FAM135A: variants seen among roughly 807,000 people sequenced by gnomAD.
FAM135A encodes the protein protein FAM135A.
FAM135A carries 79 observed loss-of-function variants against 146.8 expected under a neutral mutation model. That is an observed-to-expected ratio of 0.54 (90% CI 0.45 to 0.65). The LOEUF is 0.65. Ranked by LOEUF, FAM135A falls within the 30% of genes least tolerant of loss-of-function variation. FAM135A has a pLI of 0.00. For synonymous variants in FAM135A, 562 were observed against 603.6 expected (o/e 0.93, Z 1.01); for missense variants, 1,623 against 1,758.2 (o/e 0.92, Z 1.38).
chr6:70,435,083 A>G (rs78234303), intron 4 of FAM135A, among the ~76,000 whole-genome samples: 5,191 of 40,810 alleles, frequency 0.13, 118 homozygotes, highest in Non-Finnish European at 0.14. Context: ...GTGTGTGTGT[A>G]TATATATATA....
At chr6:70,421,433 A>G (rs765258123) in intron 2 of FAM135A, among the ~76,000 whole-genome samples, 1 of 152,224 alleles carries the variant, frequency 6.6e-6, no homozygotes, top group Non-Finnish European at 1.5e-5. Flanking sequence ...CTAGAGGACC[A>G]AGAATGTCTT....
At chr6:70,442,595 A>G (rs977953176) in intron 4 of FAM135A, among the ~76,000 whole-genome samples, 1 of 152,026 alleles carries the variant, frequency 6.6e-6, no homozygotes, top group Non-Finnish European at 1.5e-5. Context: ...ATATAGTCAT[A>G]CCCTTCCATC....
intron 4 of FAM135A, among the ~76,000 whole-genome samples, chr6:70,444,296 CA>C (rs1243569225): frequency 4.6e-5 from 7 of 152,192 alleles, no homozygotes; most frequent in African/African-American, 1.7e-4. Flanking sequence ...CCAGCTACTC[CA>C]GGGGCTGAGG....
In FAM135A at chr6:70,525,343, T is replaced by G. The variant is rs1794487672; in HGVS notation, c.2259T>G (p.Ile753Met). 6.2e-7 allele frequency: 1 copy of G among 1,613,180 alleles called. No individual in the cohort carries two copies. The highest frequency in any genetic ancestry group is 1.7e-5 in the Admixed American group (1 of 59,916). ...ATGTTGTAGTAAGTGGAGATACAATTAAGTTACCAGATATTAGTGCCACAT... is the reference window on the plus strand; with the variant it reads ...ATGTTGTAGTAAGTGGAGATACAATGAAGTTACCAGATATTAGTGCCACAT... Reference protein sequence around the residue: ...EYHVVVSGDTIKLPDISATYA... With the variant: ...EYHVVVSGDTMKLPDISATYA... The change falls in exon 15 of 22, where the codon ATT becomes ATG. Residue 753 changes from isoleucine (I) to methionine (M), a missense_variant. This residue lies in a region of FAM135A where 1,061 missense variants were observed against 1,113.8 expected (regional missense o/e 0.95). Transcript: ENST00000418814.
At chr6:70,450,713 G>GTTTTTTTTTTTTTTT (rs1192559967) in intron 4 of FAM135A, among the ~76,000 whole-genome samples, 3 of 29,780 alleles carry the variant, frequency 1.0e-4, no homozygotes, top group Non-Finnish European at 2.0e-4. Flanking sequence ...GACCCTTTTA[G>GTTTTTTTTTTTTTTT]TTGTTTTTTT....
At chr6:70,542,843 C>T (rs928553105) in intron 20 of FAM135A, among the ~76,000 whole-genome samples, 1 of 152,114 alleles carries the variant, frequency 6.6e-6, no homozygotes, top group Non-Finnish European at 1.5e-5. Flanking sequence ...TCAATTACTC[C>T]TTTGAAACAC....
At chr6:70,499,717 A>T (rs1450667236) in intron 11 of FAM135A, among the ~76,000 whole-genome samples, 1 of 152,072 alleles carries the variant, frequency 6.6e-6, no homozygotes, top group Non-Finnish European at 1.5e-5. Flanking sequence ...AAAGGATTTT[A>T]TTTCTCCTTC....
At chr6:70,497,710 A>G (rs1325768005) in intron 11 of FAM135A, among the ~76,000 whole-genome samples, 1 of 152,126 alleles carries the variant, frequency 6.6e-6, no homozygotes, top group Non-Finnish European at 1.5e-5. Context: ...ACATGAAGGG[A>G]TGTTAAATTT....
chr6:70,476,685 C>T (rs1334777766), intron 7 of FAM135A, among the ~76,000 whole-genome samples: 1 of 151,930 alleles, frequency 6.6e-6, no homozygotes, highest in African/African-American at 2.4e-5. Context: ...TAAATATCTA[C>T]AATAAGATAT....
intron 18 of FAM135A, among the ~76,000 whole-genome samples, chr6:70,534,890 A>G (rs1019224605): frequency 6.6e-6 from 1 of 152,170 alleles, no homozygotes; most frequent in Non-Finnish European, 1.5e-5. Context: ...ACCTAAAGTC[A>G]TTTTTTAAAA....
intron 14 of FAM135A, 79 bp downstream of exon 14, chr6:70,524,200 C>A (rs776273017): frequency 4.9e-6 from 7 of 1,421,522 alleles, no homozygotes; most frequent in Non-Finnish European, 5.7e-6. Context: ...TAAAACCATT[C>A]CCTAATGTGG....
intron 11 of FAM135A, 85 bp from the exon 12 acceptor site, chr6:70,502,551 G>T: frequency 7.2e-7 from 1 of 1,393,990 alleles, no homozygotes; most frequent in African/African-American, 1.5e-5. Flanking sequence ...ATTTGCCTTT[G>T]TATTAATATT....
intron 11 of FAM135A, among the ~76,000 whole-genome samples, chr6:70,494,405 G>A (rs1348988270): frequency 6.6e-6 from 1 of 151,972 alleles, no homozygotes; most frequent in African/African-American, 2.4e-5. Flanking sequence ...TGAGGTGGGA[G>A]TACTGCCTGA....
At chr6:70,494,631 T>C (rs1786803019) in intron 11 of FAM135A, among the ~76,000 whole-genome samples, 1 of 152,048 alleles carries the variant, frequency 6.6e-6, no homozygotes, top group East Asian at 1.9e-4. Context: ...TTTATTTTGG[T>C]ATTTATTACA....
At chr6:70,457,993 T>C (rs187671432) in intron 5 of FAM135A, among the ~76,000 whole-genome samples, 2 of 152,166 alleles carry the variant, frequency 1.3e-5, no homozygotes, top group Non-Finnish European at 2.9e-5. Flanking sequence ...AGTTTACTAG[T>C]ATATTTAAAG....
chr6:70,428,847 C>G (rs1770801244), intron 4 of FAM135A, among the ~76,000 whole-genome samples: 1 of 152,160 alleles, frequency 6.6e-6, no homozygotes, highest in Non-Finnish European at 1.5e-5. Context: ...TTAACTATTA[C>G]ACTGTGACAT....
intron 5 of FAM135A, among the ~76,000 whole-genome samples, chr6:70,473,344 C>G (rs189002709): frequency 2.5e-4 from 38 of 152,258 alleles, no homozygotes; most frequent in Middle Eastern, 3.4e-3. Flanking sequence ...TTGTGCTACT[C>G]CCAGGCCATT....
chr6:70,542,248 GCA>G (rs112638092), intron 20 of FAM135A, among the ~76,000 whole-genome samples: 3,453 of 141,828 alleles, frequency 0.024, 272 homozygotes, highest in Admixed American at 0.17. Context: ...TTTTTATCCT[GCA>G]CACACACACA....
chr6:70,492,872 C>T (rs1786337871), intron 11 of FAM135A, among the ~76,000 whole-genome samples: 1 of 151,938 alleles, frequency 6.6e-6, no homozygotes, highest in Non-Finnish European at 1.5e-5. Flanking sequence ...TCTGCATACC[C>T]TGTTGGTGAT....
Sources: gnomAD v4.1 joint callset for allele counts (sites outside exome capture counted in the v4.1 genomes callset) on GRCh38, gnomAD v4.1.1 for gene constraint, gnomAD v4.1.1 regional missense constraint, MANE v1.5 for transcripts, NCBI Gene and HGNC (gene_info 2026-07-23, HGNC 2026-07-21) for gene names.